Variants in ZNF839 observed in about 807,000 individuals in gnomAD.
ZNF839 encodes the protein zinc finger protein 839, also known as renal carcinoma antigen NY-REN-50.
ZNF839 carries 38 observed loss-of-function variants against 56.4 expected under a neutral mutation model. The ratio of observed to expected loss-of-function variants is 0.67; its 90% CI spans 0.52 to 0.88. The LOEUF (loss-of-function observed/expected upper bound fraction) is 0.88. Among genes scored for constraint, ZNF839 ranks in the 40% least tolerant of loss-of-function variants. The pLI, the probability that ZNF839 is intolerant of heterozygous loss-of-function variation, is 0.00. For missense variants in ZNF839, 1,091 were observed against 1,177.6 expected, an observed-to-expected ratio of 0.93 and a Z score of 1.08; for synonymous variants, 486 against 493.5, an observed-to-expected ratio of 0.98 and a Z score of 0.20.
intron 4 of ZNF839, 27 bp from the exon 5 acceptor site, chr14:102,335,660 CTT>C: frequency 6.5e-7 from 1 of 1,544,732 alleles, no homozygotes; most frequent in Admixed American, 2.0e-5. Flanking sequence ...TGAGTTTAAA[CTT>C]TTTTTTTGGT....
At chr14:102,327,851 G>T (rs993751814) in intron 2 of ZNF839, among the ~76,000 whole-genome samples, 2 of 152,072 alleles carry the variant, frequency 1.3e-5, no homozygotes, top group African/African-American at 4.8e-5. Context: ...TCTAGGTTTG[G>T]TCAGTAAAAC....
In ZNF839 at chr14:102,327,000, A is replaced by G. The variant is rs2073450630; in HGVS notation, c.1191+113A>G. The G allele has an allele frequency of 8.2e-7, 1 of 1,217,076 alleles. No homozygotes were observed. The highest frequency in any genetic ancestry group is 1.6e-5 in the South Asian group (1 of 62,456). 75.4% of individuals were successfully genotyped at this position (1,217,076 alleles called of 1,614,324 possible). On this transcript the variant is annotated intron_variant, in intron 2 of 7. Transcript: ENST00000442396. The surrounding 1 kb of genome is among the most constrained non-coding windows in gnomAD (Gnocchi z 4.3). Reference sequence around the variant, plus strand: ...GAAAAGAGGGTTGGCTCACGGTTCCATAGACTGTACAGGAAGCATGGTGCT... The same window carrying G: ...GAAAAGAGGGTTGGCTCACGGTTCCGTAGACTGTACAGGAAGCATGGTGCT...
At chr14:102,337,823 T>C (rs970930498) in intron 5 of ZNF839, 1 of 152,292 alleles carries the variant, frequency 6.6e-6, no homozygotes, top group Non-Finnish European at 1.5e-5. Context: ...CTCTGTGGGG[T>C]TCTCTTTATA....
Position 102,326,508 on chromosome 14 carries a change from A to G in ZNF839, c.812A>G (p.Asp271Gly). 2 of 1,614,012 alleles carry G rather than the reference A, an allele frequency of 1.2e-6. No homozygotes were observed. The highest frequency in any genetic ancestry group is 1.7e-6 in the Non-Finnish European group (2 of 1,179,898). The change falls in exon 2 of 8, where the codon GAT becomes GGT. Residue 271 changes from aspartate to glycine, a missense_variant. Around this residue, in one of 3 missense-constraint regions of ZNF839, gnomAD observed 614 missense variants for 629.2 expected, o/e 0.98. Coordinates refer to ENST00000442396, the MANE Select transcript of ZNF839 (RefSeq NM_018335.6). The surrounding 1 kb of genome is among the most constrained non-coding windows in gnomAD (Gnocchi z 4.3). ...GATTATAAGTTCATAAAAACAGAGG[A>G]TCTGGCGGATGGTCATCTGTCAGAT... Reference protein sequence around the residue: ...AKDYKFIKTEDLADGHLSDSD... With the variant: ...AKDYKFIKTEGLADGHLSDSD...
intron 1 of ZNF839, among the ~76,000 whole-genome samples, chr14:102,322,395 G>A (rs1221543591): frequency 6.6e-6 from 1 of 152,192 alleles, no homozygotes; most frequent in Non-Finnish European, 1.5e-5. Flanking sequence ...TCCTGTGTAT[G>A]TATTCCACCC....
At position 102,332,269 on chromosome 14, in the gene ZNF839, G is replaced by A. The variant is rs947051158; in HGVS notation, c.1416+423G>A. On this transcript the variant is annotated intron_variant, in intron 3 of 7. Coordinates refer to ENST00000442396, the MANE Select transcript of ZNF839 (RefSeq NM_018335.6). This position sits in a 1 kb window ranked among gnomAD's most constrained non-coding sequence, Gnocchi z 4.9. ...CTTCCTTAGCCTCCTGGGTAGCTTG[G>A]ATTACAAGCGCCTGCCAACCACACC... Among the ~76,000 whole-genome samples, 5 of 152,010 alleles carry A rather than the reference G, an allele frequency of 3.3e-5. No individual in the cohort carries two copies. Among genetic ancestry groups the A allele is most frequent in the Non-Finnish European group, 7.4e-5 (5 of 68,016 alleles).
upstream of ZNF839, among the ~76,000 whole-genome samples, chr14:102,319,082 A>G (rs2072988539): frequency 6.6e-6 from 1 of 152,222 alleles, no homozygotes; most frequent in Non-Finnish European, 1.5e-5. This position sits in a 1 kb window ranked among gnomAD's most constrained non-coding sequence, Gnocchi z 4.5. Flanking sequence ...GGGGCAGTGG[A>G]GCTGGATGGA....
intron 3 of ZNF839, 32 bp from the exon 4 acceptor site, chr14:102,334,522 A>G (rs2073930685): frequency 2.6e-6 from 4 of 1,520,764 alleles, no homozygotes; most frequent in Non-Finnish European, 3.6e-6. Context: ...CTTACGGGAC[A>G]TTCAAAGGCA....
At chr14:102,320,901 G>A (rs1222152209) in intron 1 of ZNF839, among the ~76,000 whole-genome samples, 1 of 152,194 alleles carries the variant, frequency 6.6e-6, no homozygotes, top group African/African-American at 2.4e-5. Flanking sequence ...CCATTTCAGC[G>A]CTGGGGTTGT....
chr14:102,317,826 TC>T (rs1275101087), upstream of ZNF839, among the ~76,000 whole-genome samples: 2 of 152,178 alleles, frequency 1.3e-5, no homozygotes, highest in African/African-American at 4.8e-5. Context: ...TCACATTTCT[TC>T]CTCTTGGTTC....
At chr14:102,329,429 G>A (rs888601979) in intron 2 of ZNF839, among the ~76,000 whole-genome samples, 2 of 152,008 alleles carry the variant, frequency 1.3e-5, no homozygotes, top group African/African-American at 4.8e-5. Context: ...CTGTTGCCCA[G>A]GCTGGAGTGC....
intron 4 of ZNF839, chr14:102,335,352 G>A: frequency 4.3e-6 from 1 of 232,480 alleles, no homozygotes; most frequent in Non-Finnish European, 8.4e-6. Context: ...TGCAGCCCAG[G>A]CTGCCTGTGC....
At position 102,342,112 on chromosome 14, in the gene ZNF839, T is replaced by C; in HGVS notation, c.2717T>C (p.Val906Ala). The change falls in exon 8 of 8, where the codon GTG becomes GCG. Residue 906 changes from valine to alanine, a missense_variant. By Grantham distance (64) the Val-to-Ala change is moderately conservative. This residue lies in a region of ZNF839 where 431 missense variants were observed against 468.0 expected (regional missense o/e 0.92). Coordinates refer to ENST00000442396, the MANE Select transcript of ZNF839 (RefSeq NM_018335.6). ...GLILSPPGTIVSQEEDIVTVT... is the reference protein window; with the variant it reads ...GLILSPPGTIASQEEDIVTVT... ...ATCTTGTCCCCTCCAGGTACAATAG[T>C]GTCTCAGGAGGAGGACATTGTCACA... 6.2e-7 allele frequency: 1 copy of C among 1,614,002 alleles called. No homozygotes were observed. The highest frequency in any genetic ancestry group is 8.5e-7 in the Non-Finnish European group (1 of 1,179,894).
chr14:102,328,973 C>CTTTTTTCTTCT (rs774841732), intron 2 of ZNF839, among the ~76,000 whole-genome samples: 1 of 142,212 alleles, frequency 7.0e-6, no homozygotes, highest in Admixed American at 7.1e-5. Flanking sequence ...CTGCTTTCTT[C>CTTTTTTCTTCT]TTTTTTTTTT....
intron 1 of ZNF839, among the ~76,000 whole-genome samples, chr14:102,323,970 TATC>T (rs1173065153): frequency 6.6e-6 from 1 of 152,224 alleles, no homozygotes; most frequent in Non-Finnish European, 1.5e-5. Context: ...CAGGAGATGA[TATC>T]ATTTATATAA....
Position 102,339,222 on chromosome 14 carries a change from T to TG in ZNF839, c.1927+1dup, listed in dbSNP as rs1886212123. Reference sequence around the variant, plus strand: ...CCAGGCCCTTGCATGCTTTGGCCGCTGGTGAGGGTAAAATGCTGTTTGTGG... The same window carrying TG: ...CCAGGCCCTTGCATGCTTTGGCCGCTGGGTGAGGGTAAAATGCTGTTTGTGG... On this transcript the variant is annotated frameshift_variant and splice_region_variant, in exon 7 of 8. Transcript: ENST00000442396. LOFTEE classifies it low-confidence loss of function (END_TRUNC). The TG allele has an allele frequency of 6.2e-7, 1 of 1,609,982 alleles. No individual in the cohort carries two copies. The highest frequency in any genetic ancestry group is 8.5e-7 in the Non-Finnish European group (1 of 1,178,186).
At chr14:102,322,016 C>G (rs1201294588) in intron 1 of ZNF839, among the ~76,000 whole-genome samples, 1 of 152,118 alleles carries the variant, frequency 6.6e-6, no homozygotes, top group African/African-American at 2.4e-5. Flanking sequence ...ATTTCCAGTT[C>G]CATCCAACAT....
In ZNF839 at chr14:102,326,106, A is replaced by T. The variant is rs1567285215; in HGVS notation, c.410A>T (p.Asn137Ile). 3.1e-6 allele frequency: 5 copies of T among 1,613,938 alleles called. No homozygotes were observed. Among genetic ancestry groups the T allele is most frequent in the Non-Finnish European group, 4.2e-6 (5 of 1,179,872 alleles). Residue 137 changes from asparagine to isoleucine, a missense_variant, in exon 2 of 8, where the codon AAT becomes ATT. Transcript: ENST00000442396. The surrounding 1 kb of genome is among the most constrained non-coding windows in gnomAD (Gnocchi z 4.3). ...TARKSQLPRG[N>I]SCLVGLHIAS... ...AGAAAGAGCCAGCTGCCCCGGGGGAATTCCTGCCTGGTGGGGCTCCATATC... is the reference window on the plus strand; with the variant it reads ...AGAAAGAGCCAGCTGCCCCGGGGGATTTCCTGCCTGGTGGGGCTCCATATC...
At chr14:102,333,392 G>C (rs2073877308) in intron 3 of ZNF839, among the ~76,000 whole-genome samples, 1 of 151,200 alleles carries the variant, frequency 6.6e-6, no homozygotes, top group African/African-American at 2.4e-5. Flanking sequence ...CCGAGTAGCT[G>C]GACCCACAGC....
Sources: allele counts gnomAD v4.1 joint callset (sites outside exome capture counted in the v4.1 genomes callset), GRCh38; gene constraint gnomAD v4.1.1; regional missense constraint gnomAD v4.1.1; non-coding constraint Gnocchi (gnomAD v3.1); transcripts MANE v1.5; gene names NCBI Gene and HGNC (gene_info 2026-07-23, HGNC 2026-07-21).